The following INSR variants were observed in gnomAD, a reference collection of about 807,000 sequenced individuals.
INSR encodes insulin receptor, also known as IR.
In INSR, 67 loss-of-function variants were observed where a neutral mutation model predicts 142.6. The ratio of observed to expected loss-of-function variants is 0.47; its 90% CI spans 0.39 to 0.58. The LOEUF (loss-of-function observed/expected upper bound fraction) is 0.58. Ranked by LOEUF, INSR falls within the 20% of genes least tolerant of loss-of-function variation. INSR has a pLI of 0.00. For synonymous variants in INSR, 756 were observed against 743.1 expected (o/e 1.02, Z -0.28); for missense variants, 1,248 against 1,833.2 (o/e 0.68, Z 5.83).
At chr19:7,178,083 G>A (rs1476470309) in intron 3 of INSR, among the ~76,000 whole-genome samples, 1 of 151,934 alleles carries the variant, frequency 6.6e-6, no homozygotes, top group African/African-American at 2.4e-5. Flanking sequence ...TCACACTCCT[G>A]GGTATTCAAC....
At chr19:7,179,335 G>A (rs1450546271) in intron 3 of INSR, among the ~76,000 whole-genome samples, 1 of 152,238 alleles carries the variant, frequency 6.6e-6, no homozygotes, top group African/African-American at 2.4e-5. Flanking sequence ...CCAAGATGCT[G>A]CCAGTGTCTG....
intron 2 of INSR, among the ~76,000 whole-genome samples, chr19:7,199,741 A>G (rs1017177144): frequency 6.6e-6 from 1 of 151,272 alleles, no homozygotes; most frequent in African/African-American, 2.4e-5. Flanking sequence ...CCTGTTCCCT[A>G]CCTCGACCCA....
chr19:7,132,372 T>C, intron 13 of INSR, 55 bp from the exon 14 acceptor site: 1 of 1,585,104 alleles, frequency 6.3e-7, no homozygotes, highest in Non-Finnish European at 8.6e-7. Context: ...CATCTGGGAG[T>C]GTCCACCCCT....
intron 2 of INSR, among the ~76,000 whole-genome samples, chr19:7,212,140 C>T (rs149040757): frequency 3.0e-4 from 45 of 152,242 alleles, no homozygotes; most frequent in African/African-American, 1.1e-3. Context: ...CCCACCCCGA[C>T]GTGTGACAAC....
intron 2 of INSR, among the ~76,000 whole-genome samples, chr19:7,261,769 G>A (rs1288323041): frequency 2.0e-5 from 3 of 152,132 alleles, no homozygotes; most frequent in Admixed American, 1.3e-4. Flanking sequence ...GACCTCAAGC[G>A]ATCCACCTAC....
intron 2 of INSR, among the ~76,000 whole-genome samples, chr19:7,198,831 G>A (rs933333922): frequency 2.0e-5 from 3 of 152,116 alleles, no homozygotes; most frequent in Non-Finnish European, 4.4e-5. Context: ...TGAATTTGCA[G>A]TTCCAGTAAA....
At chr19:7,199,559 G>A (rs1422232352) in intron 2 of INSR, among the ~76,000 whole-genome samples, 2 of 52,058 alleles carry the variant, frequency 3.8e-5, no homozygotes, top group African/African-American at 7.2e-5. Flanking sequence ...CACTGCGACA[G>A]CTTTTTTTTT....
intron 2 of INSR, among the ~76,000 whole-genome samples, chr19:7,213,007 T>A (rs1975321344): frequency 6.6e-6 from 1 of 152,042 alleles, no homozygotes; most frequent in African/African-American, 2.4e-5. Flanking sequence ...CTTTTTCAGC[T>A]CTGTTTAAAA....
At chr19:7,176,861 C>T in intron 3 of INSR, among the ~76,000 whole-genome samples, 1 of 152,138 alleles carries the variant, frequency 6.6e-6, no homozygotes, top group Non-Finnish European at 1.5e-5. Context: ...TAAGAATGTG[C>T]CGTTACCTTG....
chr19:7,117,504 G>A (rs566034824), intron 21 of INSR, 94 bp from the exon 22 acceptor site: 11 of 859,222 alleles, frequency 1.3e-5, no homozygotes, highest in African/African-American at 1.0e-4. Context: ...CGACACCCAC[G>A]GACCACATGT....
chr19:7,268,944 C>T (rs984299239), intron 1 of INSR, among the ~76,000 whole-genome samples: 16 of 151,690 alleles, frequency 1.1e-4, no homozygotes, highest in African/African-American at 3.9e-4. Flanking sequence ...CACCTATTTG[C>T]GTGTTTCTCC....
Position 7,199,940 on chromosome 19 carries a change from C to T in INSR, c.653-15303G>A, listed in dbSNP as rs570851737. ...ATCTTGTAGGAAAAAAAAAATGCAA[C>T]GGAGGGGCGGGGATTAGGTGACTGT... is the stretch of plus-strand genomic sequence containing the variant. On this transcript the variant is annotated intron_variant, in intron 2 of 21. Transcript: ENST00000302850. Among the ~76,000 whole-genome samples, 13 of 151,994 alleles carry T rather than the reference C, an allele frequency of 8.6e-5. No homozygotes were observed. The South Asian group carries it at 1.7e-3, about 19-fold the overall frequency.
At chr19:7,158,319 T>C (rs1267083439) in intron 9 of INSR, among the ~76,000 whole-genome samples, 1 of 151,550 alleles carries the variant, frequency 6.6e-6, no homozygotes, top group Non-Finnish European at 1.5e-5. Context: ...GCTAACATGG[T>C]GAAACCCCGT....
intron 2 of INSR, among the ~76,000 whole-genome samples, chr19:7,191,241 GA>G (rs1286347021): frequency 6.6e-6 from 1 of 151,932 alleles, no homozygotes; most frequent in Admixed American, 6.6e-5. Context: ...GGGTTGCAGT[GA>G]GCCGAGATTG....
At chr19:7,191,222 G>A (rs1187946673) in intron 2 of INSR, among the ~76,000 whole-genome samples, 2 of 151,992 alleles carry the variant, frequency 1.3e-5, no homozygotes, top group Non-Finnish European at 2.9e-5. Context: ...GCTTGAACCC[G>A]GGAGGCGGGG....
intron 2 of INSR, among the ~76,000 whole-genome samples, chr19:7,262,887 C>T (rs1977107116): frequency 6.6e-6 from 1 of 152,102 alleles, no homozygotes; most frequent in Admixed American, 6.6e-5. Context: ...GACAGAGTTT[C>T]AGTTTGGGAG....
At chr19:7,162,500 G>C (rs943170266) in intron 9 of INSR, among the ~76,000 whole-genome samples, 2 of 111,046 alleles carry the variant, frequency 1.8e-5, no homozygotes, top group Admixed American at 1.9e-4. Context: ...AACAGAGTAA[G>C]ACCCTGTCTC....
chr19:7,275,342 C>T (rs1968033755), intron 1 of INSR, among the ~76,000 whole-genome samples: 1 of 152,078 alleles, frequency 6.6e-6, no homozygotes, highest in Non-Finnish European at 1.5e-5. Flanking sequence ...AGACGAGTCC[C>T]GCCTACTACC....
intron 1 of INSR, among the ~76,000 whole-genome samples, chr19:7,274,718 T>C (rs979321949): frequency 1.4e-5 from 2 of 145,064 alleles, no homozygotes; most frequent in African/African-American, 5.2e-5. Context: ...GGCAGGAGAA[T>C]GGCGTGAACC....
Sources: allele counts gnomAD v4.1 joint callset (sites outside exome capture counted in the v4.1 genomes callset), GRCh38; gene constraint gnomAD v4.1.1; transcripts MANE v1.5; gene names NCBI Gene and HGNC (gene_info 2026-07-23, HGNC 2026-07-21).